Variants in KIRREL3 observed in about 807,000 individuals in gnomAD.
KIRREL3 encodes the protein kin of IRRE-like protein 3.
Under a neutral mutation model 89.7 loss-of-function variants are expected in KIRREL3, and 36 were observed. The observed-to-expected ratio is 0.40, with a 90% CI of 0.31 to 0.53. KIRREL3 has a LOEUF of 0.53. Among genes scored for constraint, KIRREL3 ranks in the 20% least tolerant of loss-of-function variants. The pLI, the probability that KIRREL3 is intolerant of heterozygous loss-of-function variation, is 0.49. For missense variants in KIRREL3, 864 were observed against 1,056.6 expected (o/e 0.82, Z 2.53); for synonymous variants, 445 against 441.4 (o/e 1.01, Z -0.10).
chr11:126,507,394 G>A (rs571706054), intron 4 of KIRREL3, among the ~76,000 whole-genome samples: 2 of 152,206 alleles, frequency 1.3e-5, no homozygotes, highest in East Asian at 3.9e-4. Context: ...AAAGAAAAAG[G>A]CCACTTCCCC....
rs997392083 is a variant in KIRREL3 at position 126,601,411 on chromosome 11, T to C, written c.56-38499A>G. Among the ~76,000 whole-genome samples, 3 of 152,240 alleles carry C rather than the reference T, an allele frequency of 2.0e-5. No individual in the cohort carries two copies. Among genetic ancestry groups the C allele is most frequent in the African/African-American group, 7.2e-5 (3 of 41,456 alleles). On this transcript the variant is annotated intron_variant, in intron 1 of 16. Transcript: ENST00000525144. The surrounding 1 kb of genome is among the most constrained non-coding windows in gnomAD (Gnocchi z 5.8). ...AGCACCTGCAATCTCATCTTGTTTC[T>C]TTCCAAGCACCAGGGAAGAAAAGCA...
rs1444930142 is a variant in KIRREL3 at position 126,740,231 on chromosome 11, A to G, written c.56-177319T>C. Among the ~76,000 whole-genome samples the G allele has an allele frequency of 6.6e-6, 1 of 152,192 alleles. No individual in the cohort carries two copies. Among genetic ancestry groups the G allele is most frequent in the Non-Finnish European group, 1.5e-5 (1 of 68,026 alleles). The stretch of plus-strand genomic sequence containing the variant: ...CCACATTCATTTTGAGCAGGTAATA[A>G]AGGCTATAGTGGGGGAGTTCTACGG... On this transcript the variant is annotated intron_variant, in intron 1 of 16. Coordinates refer to ENST00000525144, the MANE Select transcript of KIRREL3 (RefSeq NM_032531.4). The surrounding 1 kb of genome is among the most constrained non-coding windows in gnomAD (Gnocchi z 6.0).
chr11:126,431,430 C>T lies in KIRREL3; in HGVS notation c.1685G>A (p.Arg562His), dbSNP rs559592356. 3.9e-5 allele frequency: 63 copies of T among 1,614,010 alleles called. No individual in the cohort carries two copies. In the South Asian group the frequency reaches 4.9e-4, roughly 13 times the overall value. ...TCTCCCTCCCGTACTTCTCTGGGAA[C>T]GGGCACAGCAGAACGCCACGATGGT... The part of the protein sequence containing the change: ...MATIVAFCCA[R>H]SQRNLKGVVS... Residue 562 changes from arginine to histidine, a missense_variant, in exon 14 of 17, where the codon CGT (arginine) becomes CAT (histidine). Arg to His is a conservative substitution (Grantham distance 29). Transcript: ENST00000525144. This position sits in a 1 kb window ranked among gnomAD's most constrained non-coding sequence, Gnocchi z 7.1.
rs561080026 is a variant in KIRREL3 at position 126,823,144 on chromosome 11, A to C, written c.55+177311T>G. Among the ~76,000 whole-genome samples, 9 of 152,344 alleles carry C rather than the reference A, an allele frequency of 5.9e-5. 1 individual carries two copies. Among genetic ancestry groups the C allele is most frequent in the African/African-American group, 1.9e-4 (8 of 41,588 alleles). The stretch of plus-strand genomic sequence containing the variant: ...AGGCAACTCAGCAAATCCAGAGTCC[A>C]TGGGCCTGCCTCACACTAACCATTC... On this transcript the variant is annotated intron_variant, in intron 1 of 16. Coordinates refer to ENST00000525144, the MANE Select transcript of KIRREL3 (RefSeq NM_032531.4).
rs554076877 is a variant in KIRREL3, at chr11:126,978,068, A to C, written c.55+22387T>G. ...CTTCTCCAGCACGGCAGCCCACCAA[A>C]AGTGCCTCCTTCCAAGCCTGTGGCC... is the stretch of plus-strand genomic sequence containing the variant. On this transcript the variant is annotated intron_variant, in intron 1 of 16. Transcript: ENST00000525144. The surrounding 1 kb of genome is among the most constrained non-coding windows in gnomAD (Gnocchi z 4.2). 4.7e-4 allele frequency among the ~76,000 whole-genome samples: 72 copies of C among 152,232 alleles called. No homozygotes were observed. The highest frequency in any genetic ancestry group is 1.5e-3 in the African/African-American group (62 of 41,546).
In KIRREL3 at chr11:126,571,130, G is replaced by A. The variant is rs1049302102; in HGVS notation, c.56-8218C>T. ...GCCATGCTCTGTCTCCATTCTCTGT[G>A]AGATTCGACTCCCAACCAATTCGGA... On this transcript the variant is annotated intron_variant, in intron 1 of 16. Transcript: ENST00000525144. This position sits in a 1 kb window ranked among gnomAD's most constrained non-coding sequence, Gnocchi z 7.7. Among the ~76,000 whole-genome samples the A allele has an allele frequency of 1.3e-5, 2 of 152,194 alleles. No individual in the cohort carries two copies. Among genetic ancestry groups the A allele is most frequent in the Non-Finnish European group, 2.9e-5 (2 of 68,048 alleles).
At position 126,911,766 on chromosome 11, in the gene KIRREL3, G is replaced by A. The variant is rs185403295; in HGVS notation, c.55+88689C>T. Among the ~76,000 whole-genome samples, 592 of 152,194 alleles carry A rather than the reference G, an allele frequency of 3.9e-3. 4 individuals carry two copies. The highest frequency in any genetic ancestry group is 7.8e-3 in the Admixed American group (119 of 15,298). ...TGGGAGGCTGAGGTGGGCGGATGACGAGGTCAGGAGATCGAGACCATCCTG... is the reference window on the plus strand; with the variant it reads ...TGGGAGGCTGAGGTGGGCGGATGACAAGGTCAGGAGATCGAGACCATCCTG... On this transcript the variant is annotated intron_variant, in intron 1 of 16. Transcript: ENST00000525144.
Position 126,496,481 on chromosome 11 carries a change from C to T in KIRREL3, c.434-23015G>A, listed in dbSNP as rs868588862. Among the ~76,000 whole-genome samples, 1 of 152,092 alleles carries T rather than the reference C, an allele frequency of 6.6e-6. No individual in the cohort carries two copies. The highest frequency in any genetic ancestry group is 1.5e-5 in the Non-Finnish European group (1 of 68,044). On this transcript the variant is annotated intron_variant, in intron 4 of 16. Coordinates refer to ENST00000525144, the MANE Select transcript of KIRREL3 (RefSeq NM_032531.4). The surrounding 1 kb of genome is among the most constrained non-coding windows in gnomAD (Gnocchi z 4.9). ...GATAAGTTCAGTGCCTTCCCTGCCA[C>T]CCCATGGCTGCCATTTCTTCTCACT... is the stretch of plus-strand genomic sequence containing the variant.
chr11:126,733,207 G>A (rs768961716), intron 1 of KIRREL3, among the ~76,000 whole-genome samples: 1 of 152,220 alleles, frequency 6.6e-6, no homozygotes, highest in Non-Finnish European at 1.5e-5. Context: ...AGGTGGGTAA[G>A]TATTTTTAGA....
chr11:126,866,510 A>C (rs1310299174), intron 1 of KIRREL3, among the ~76,000 whole-genome samples: 2 of 152,176 alleles, frequency 1.3e-5, no homozygotes, highest in Non-Finnish European at 2.9e-5. Context: ...CGGGAAGTGC[A>C]GGAAGAAGGA....
intron 1 of KIRREL3, among the ~76,000 whole-genome samples, chr11:126,767,192 G>C (rs1949850890): frequency 6.6e-6 from 1 of 152,240 alleles, no homozygotes. Flanking sequence ...CTGGGAATCA[G>C]CCTCCAACCC....
Position 126,474,349 on chromosome 11 carries a change from C to T in KIRREL3, c.434-883G>A, listed in dbSNP as rs962612134. 8.5e-5 allele frequency among the ~76,000 whole-genome samples: 13 copies of T among 152,306 alleles called. No homozygotes were observed. Among genetic ancestry groups the T allele is most frequent in the African/African-American group, 3.1e-4 (13 of 41,568 alleles). On this transcript the variant is annotated intron_variant, in intron 4 of 16. Transcript: ENST00000525144. This position sits in a 1 kb window ranked among gnomAD's most constrained non-coding sequence, Gnocchi z 6.7. ...CATTACCACCCCAATGACACAGATC[C>T]GGAAGCCGAGTTCCAGCAAGATTAG...
intron 1 of KIRREL3, among the ~76,000 whole-genome samples, chr11:126,878,745 G>C (rs1171973686): frequency 2.0e-5 from 3 of 152,150 alleles, no homozygotes; most frequent in Non-Finnish European, 4.4e-5. Flanking sequence ...GGTCAAAGGG[G>C]TACATTAAAT....
intron 1 of KIRREL3, among the ~76,000 whole-genome samples, chr11:126,960,826 T>G (rs1949064036): frequency 6.6e-6 from 1 of 152,220 alleles, no homozygotes; most frequent in South Asian, 2.1e-4. Context: ...TGAAGGTTTG[T>G]GGCAACCCTC....
rs151067133 is a variant in KIRREL3 at position 126,950,858 on chromosome 11, G to A, written c.55+49597C>T. Among the ~76,000 whole-genome samples, 767 of 152,310 alleles carry A rather than the reference G, an allele frequency of 5.0e-3. 7 individuals carry two copies. The highest frequency in any genetic ancestry group is 0.018 in the African/African-American group (733 of 41,560). Reference sequence around the variant, plus strand: ...AAGATTAGACTGAAAGGTCCTTTGAGGGAACAAAGATTAATCCTCCCAAAT... The same window carrying A: ...AAGATTAGACTGAAAGGTCCTTTGAAGGAACAAAGATTAATCCTCCCAAAT... On this transcript the variant is annotated intron_variant, in intron 1 of 16. Transcript: ENST00000525144.
At position 126,997,956 on chromosome 11, in the gene KIRREL3, C is replaced by A. The variant is rs572287662; in HGVS notation, c.55+2499G>T. 3.5e-4 allele frequency among the ~76,000 whole-genome samples: 53 copies of A among 152,156 alleles called. No individual in the cohort carries two copies. Among genetic ancestry groups the A allele is most frequent in the African/African-American group, 1.2e-3 (48 of 41,508 alleles). ...TTCCTGGGAGAGGCATCCCAGCATGCAGGAGGCAGGGGTCAAGCAGGTGGC... is the reference window on the plus strand; with the variant it reads ...TTCCTGGGAGAGGCATCCCAGCATGAAGGAGGCAGGGGTCAAGCAGGTGGC... On this transcript the variant is annotated intron_variant, in intron 1 of 16. Transcript: ENST00000525144. This position sits in a 1 kb window ranked among gnomAD's most constrained non-coding sequence, Gnocchi z 4.3.
chr11:126,702,471 G>A (rs948117413), intron 1 of KIRREL3, among the ~76,000 whole-genome samples: 3 of 152,152 alleles, frequency 2.0e-5, no homozygotes, highest in African/African-American at 7.2e-5. Context: ...CAATGACAGA[G>A]CCTCTGCTGA....
intron 4 of KIRREL3, among the ~76,000 whole-genome samples, chr11:126,487,986 C>T (rs1331950330): frequency 6.6e-6 from 1 of 152,266 alleles, no homozygotes; most frequent in East Asian, 1.9e-4. Context: ...GAGGGAATGG[C>T]CTCTTCCCCC....
At position 126,926,328 on chromosome 11, in the gene KIRREL3, C is replaced by T. The variant is rs948634630; in HGVS notation, c.55+74127G>A. Among the ~76,000 whole-genome samples, 13 of 152,276 alleles carry T rather than the reference C, an allele frequency of 8.5e-5. No individual in the cohort carries two copies. The East Asian group carries it at 1.9e-3, about 23-fold the overall frequency. On this transcript the variant is annotated intron_variant, in intron 1 of 16. Coordinates refer to ENST00000525144, the MANE Select transcript of KIRREL3 (RefSeq NM_032531.4). ...GGATCTAGCCAGTGGGTTGTGAGAACGAAAGTTAACATTAAGCATTCCTAA... is the reference window on the plus strand; with the variant it reads ...GGATCTAGCCAGTGGGTTGTGAGAATGAAAGTTAACATTAAGCATTCCTAA...
Sources: gnomAD v4.1 joint callset for allele counts (sites outside exome capture counted in the v4.1 genomes callset) on GRCh38, gnomAD v4.1.1 for gene constraint, Gnocchi (gnomAD v3.1) non-coding constraint, MANE v1.5 for transcripts, NCBI Gene and HGNC (gene_info 2026-07-23, HGNC 2026-07-21) for gene names.